The following INPP5A variants were observed in gnomAD, a reference collection of about 807,000 sequenced individuals.
INPP5A encodes the protein inositol polyphosphate-5-phosphatase A, also known as 43 kDa inositol polyphosphate 5-phophatase.
A neutral mutation model predicts 65.2 loss-of-function variants in INPP5A; 14 were observed. The ratio of observed to expected loss-of-function variants is 0.21; its 90% CI spans 0.14 to 0.34. The LOEUF (loss-of-function observed/expected upper bound fraction) is 0.34, where lower values mean the gene tolerates loss of function less well. Ranked by LOEUF, INPP5A falls within the 10% of genes least tolerant of loss-of-function variation. The pLI, the probability that INPP5A is intolerant of heterozygous loss-of-function variation, is 1.00. For missense variants in INPP5A, 431 were observed against 545.6 expected (o/e 0.79, Z 2.09); for synonymous variants, 207 against 208.3 (o/e 0.99, Z 0.05).
intron 12 of INPP5A, among the ~76,000 whole-genome samples, chr10:132,772,898 G>A (rs1169879819): frequency 1.3e-5 from 2 of 151,158 alleles, no homozygotes. Context: ...GCCGCCCCAC[G>A]AAGAGTGGGA....
In INPP5A at chr10:132,575,631, T is replaced by C. The variant is rs1194154738; in HGVS notation, c.76-32284T>C. ...TCTGTGGAAGTGCGTTTATTTGAAA[T>C]CCGTAAACAGTGTTTATCTTGGCGA... On this transcript the variant is annotated intron_variant, in intron 1 of 15. Transcript: ENST00000368594. This position sits in a 1 kb window ranked among gnomAD's most constrained non-coding sequence, Gnocchi z 5.4. 6.6e-6 allele frequency among the ~76,000 whole-genome samples: 1 copy of C among 152,178 alleles called. No homozygotes were observed. Among genetic ancestry groups the C allele is most frequent in the Non-Finnish European group, 1.5e-5 (1 of 68,036 alleles).
At chr10:132,682,751 G>A (rs1233306046) in intron 4 of INPP5A, among the ~76,000 whole-genome samples, 1 of 152,172 alleles carries the variant, frequency 6.6e-6, no homozygotes, top group African/African-American at 2.4e-5. Context: ...CCATGACCCA[G>A]CAATGCTGTG....
chr10:132,610,960 CAGGAGAT>C (rs1165080524), intron 2 of INPP5A, among the ~76,000 whole-genome samples: 1 of 152,108 alleles, frequency 6.6e-6, no homozygotes, highest in Non-Finnish European at 1.5e-5. Flanking sequence ...AGGAGGATCT[CAGGAGAT>C]GAGGAGTGCA....
At chr10:132,728,168 G>A (rs1299441407) in intron 9 of INPP5A, among the ~76,000 whole-genome samples, 2 of 152,242 alleles carry the variant, frequency 1.3e-5, no homozygotes, top group South Asian at 4.1e-4. Context: ...GTGGCTCCTG[G>A]TCGAGGCATC....
intron 1 of INPP5A, among the ~76,000 whole-genome samples, chr10:132,595,861 C>A (rs1404250431): frequency 6.6e-6 from 1 of 151,850 alleles, no homozygotes; most frequent in East Asian, 1.9e-4. Flanking sequence ...GACTGACTCC[C>A]AGAAATAGAG....
intron 9 of INPP5A, among the ~76,000 whole-genome samples, chr10:132,745,574 C>T (rs1846354726): frequency 6.6e-6 from 1 of 152,270 alleles, no homozygotes; most frequent in Admixed American, 6.5e-5. Context: ...GGCACTGGCC[C>T]CAGCCCGGGC....
At chr10:132,754,467 C>T (rs899709458) in intron 11 of INPP5A, among the ~76,000 whole-genome samples, 7 of 152,152 alleles carry the variant, frequency 4.6e-5, no homozygotes, top group East Asian at 1.9e-4. Flanking sequence ...TGTGTGGGGG[C>T]GAGCACCTAT....
chr10:132,767,004 G>A (rs1397526765), intron 12 of INPP5A, among the ~76,000 whole-genome samples: 3 of 144,972 alleles, frequency 2.1e-5, no homozygotes, highest in Admixed American at 6.8e-5. Context: ...TGGAGGATGC[G>A]GCCTCGGAGC....
intron 1 of INPP5A, among the ~76,000 whole-genome samples, chr10:132,561,890 G>A (rs1032319631): frequency 5.3e-5 from 8 of 152,202 alleles, no homozygotes; most frequent in Non-Finnish European, 7.3e-5. Flanking sequence ...CTGGGGAGGG[G>A]AGCAGATGGC....
chr10:132,722,316 C>T (rs1335853865), intron 8 of INPP5A, among the ~76,000 whole-genome samples: 1 of 152,130 alleles, frequency 6.6e-6, no homozygotes, highest in Non-Finnish European at 1.5e-5. Flanking sequence ...AAAAAACCAA[C>T]TCCTAGCAAG....
chr10:132,557,476 G>A (rs551669889), intron 1 of INPP5A, among the ~76,000 whole-genome samples: 57 of 152,376 alleles, frequency 3.7e-4, no homozygotes, highest in African/African-American at 1.4e-3. Flanking sequence ...AGAGACCTGC[G>A]TAGAAATCAG....
chr10:132,661,391 T>G (rs1368614402), intron 4 of INPP5A, among the ~76,000 whole-genome samples: 1 of 152,234 alleles, frequency 6.6e-6, no homozygotes, highest in East Asian at 1.9e-4. Flanking sequence ...AACTTGTAAA[T>G]GATGCCGTTG....
rs944390553 is a variant in INPP5A, at chr10:132,697,032, T to A, written c.371-784T>A. On this transcript the variant is annotated intron_variant, in intron 5 of 15. Coordinates refer to ENST00000368594, the MANE Select transcript of INPP5A (RefSeq NM_005539.5). The surrounding 1 kb of genome is among the most constrained non-coding windows in gnomAD (Gnocchi z 5.6). ...CTGCTTGTGGGACACAACACACTGC[T>A]CCAAAGCGGTCTCCAGGAACCTCGT... Among the ~76,000 whole-genome samples the A allele has an allele frequency of 2.6e-5, 4 of 152,172 alleles. No homozygotes were observed. Among genetic ancestry groups the A allele is most frequent in the Admixed American group, 1.3e-4 (2 of 15,284 alleles).
At chr10:132,621,408 C>T (rs967478056) in intron 2 of INPP5A, among the ~76,000 whole-genome samples, 10 of 152,044 alleles carry the variant, frequency 6.6e-5, no homozygotes, top group African/African-American at 1.9e-4. Context: ...TTGCCTAAGG[C>T]GATTGGGGCA....
At chr10:132,557,156 G>T (rs2071137650) in intron 1 of INPP5A, among the ~76,000 whole-genome samples, 1 of 152,268 alleles carries the variant, frequency 6.6e-6, no homozygotes, top group Admixed American at 6.5e-5. Context: ...TGGGGAGAAG[G>T]TTTTCCCTTG....
intron 2 of INPP5A, among the ~76,000 whole-genome samples, chr10:132,628,657 C>T (rs1192483975): frequency 6.6e-6 from 1 of 152,124 alleles, no homozygotes; most frequent in Non-Finnish European, 1.5e-5. Flanking sequence ...GATTAAAAGG[C>T]AGACTGGGAA....
At chr10:132,737,027 A>G (rs986707298) in intron 9 of INPP5A, among the ~76,000 whole-genome samples, 10 of 152,218 alleles carry the variant, frequency 6.6e-5, no homozygotes, top group African/African-American at 2.4e-4. Flanking sequence ...CGTGACAGAC[A>G]GGGATGACTG....
chr10:132,660,050 T>C (rs1429931152), intron 4 of INPP5A, among the ~76,000 whole-genome samples: 1 of 152,236 alleles, frequency 6.6e-6, no homozygotes, highest in Admixed American at 6.5e-5. Flanking sequence ...CGCCGACGCG[T>C]GGCCCACGGC....
chr10:132,709,763 G>A (rs986516767), intron 7 of INPP5A, among the ~76,000 whole-genome samples: 3 of 152,202 alleles, frequency 2.0e-5, no homozygotes, highest in Non-Finnish European at 4.4e-5. Flanking sequence ...GACCTCCCCT[G>A]GTGAGAGGGC....
Sources: allele counts gnomAD v4.1 joint callset (sites outside exome capture counted in the v4.1 genomes callset), GRCh38; gene constraint gnomAD v4.1.1; non-coding constraint Gnocchi (gnomAD v3.1); transcripts MANE v1.5; gene names NCBI Gene and HGNC (gene_info 2026-07-23, HGNC 2026-07-21).